Variants in PCBP3 observed in about 807,000 individuals in gnomAD.
PCBP3 encodes the protein poly(rC) binding protein 3.
Under a neutral mutation model 52.7 loss-of-function variants are expected in PCBP3, and 25 were observed. The observed-to-expected ratio is 0.47, with a 90% CI of 0.35 to 0.66. The LOEUF is 0.66. PCBP3 is among the 30% of genes least tolerant of loss of function. The probability of loss-of-function intolerance (pLI) is 0.01; values close to 1 mark genes in which losing one functional copy is unlikely to be tolerated. For synonymous variants in PCBP3, 162 were observed against 183.0 expected (o/e 0.89, Z 0.93); for missense variants, 391 against 490.3 (o/e 0.80, Z 1.91).
chr21:45,739,201 C>G (rs1288079788), intron 3 of PCBP3, among the ~76,000 whole-genome samples: 1 of 122,658 alleles, frequency 8.2e-6, no homozygotes, highest in Non-Finnish European at 1.7e-5. Context: ...CCCACCCCTT[C>G]CTGCCCATTG....
intron 4 of PCBP3, among the ~76,000 whole-genome samples, chr21:45,813,918 ATAGTCGT>A (rs2092753822): frequency 6.6e-6 from 1 of 152,172 alleles, no homozygotes; most frequent in Admixed American, 6.5e-5. Flanking sequence ...TGTTCATTGG[ATAGTCGT>A]GCATCGCTTA....
At chr21:45,742,460 A>G (rs887118071) in intron 3 of PCBP3, among the ~76,000 whole-genome samples, 19 of 152,322 alleles carry the variant, frequency 1.2e-4, no homozygotes, top group African/African-American at 4.6e-4. Flanking sequence ...TGCATTATTG[A>G]AGATACTCTG....
rs548230328 is a variant in PCBP3, at chr21:45,886,794, G to A, written c.11-9414G>A. 5.9e-5 allele frequency among the ~76,000 whole-genome samples: 9 copies of A among 152,310 alleles called. No homozygotes were observed. In the East Asian group the frequency reaches 1.7e-3, roughly 29 times the overall value. On this transcript the variant is annotated intron_variant, in intron 5 of 17. Coordinates refer to ENST00000681687, the MANE Select transcript of PCBP3 (RefSeq NM_001384156.1). ...CCGCATTGCCTCCACTGACACCAGG[G>A]GGCAAGGACTCACCACCTGTGGAGA...
At chr21:45,678,426 C>T (rs553386304) in intron 2 of PCBP3, among the ~76,000 whole-genome samples, 1 of 152,174 alleles carries the variant, frequency 6.6e-6, no homozygotes, top group Admixed American at 6.5e-5. Flanking sequence ...TTCTGAGAGG[C>T]ATTCACCGTT....
chr21:45,739,710 C>T, intron 3 of PCBP3, among the ~76,000 whole-genome samples: 1 of 150,636 alleles, frequency 6.6e-6, no homozygotes, highest in African/African-American at 2.4e-5. Flanking sequence ...TCTTCATCAG[C>T]CCACCCTTCC....
intron 4 of PCBP3, among the ~76,000 whole-genome samples, chr21:45,770,456 A>G (rs2089769588): frequency 6.6e-6 from 1 of 152,196 alleles, no homozygotes; most frequent in Non-Finnish European, 1.5e-5. Flanking sequence ...ATTTCTGAAC[A>G]TGCATTCTTC....
At chr21:45,810,628 C>G (rs912436993) in intron 4 of PCBP3, among the ~76,000 whole-genome samples, 1 of 152,020 alleles carries the variant, frequency 6.6e-6, no homozygotes, top group African/African-American at 2.4e-5. Context: ...TCATGAGAGA[C>G]ACTTTCATTT....
At chr21:45,732,095 T>G (rs899099403) in intron 2 of PCBP3, among the ~76,000 whole-genome samples, 1 of 152,112 alleles carries the variant, frequency 6.6e-6, no homozygotes, top group Non-Finnish European at 1.5e-5. Flanking sequence ...TAGCTTTTGT[T>G]TGTTAGAAAA....
At chr21:45,707,491 G>A (rs528717115) in intron 2 of PCBP3, among the ~76,000 whole-genome samples, 1 of 152,154 alleles carries the variant, frequency 6.6e-6, no homozygotes, top group African/African-American at 2.4e-5. Context: ...ACTCCAGCCT[G>A]GGAGACAAAG....
At chr21:45,831,525 C>T (rs2093449242) in intron 4 of PCBP3, among the ~76,000 whole-genome samples, 1 of 151,698 alleles carries the variant, frequency 6.6e-6, no homozygotes. Context: ...AAGTTTGGTT[C>T]TCAGCAGGAT....
intron 4 of PCBP3, among the ~76,000 whole-genome samples, chr21:45,797,972 G>A (rs544892219): frequency 1.0e-4 from 4 of 38,394 alleles, no homozygotes; most frequent in African/African-American, 4.5e-4. Context: ...AGAGTGAATG[G>A]ATGTGTACAT....
At chr21:45,671,304 T>C (rs1323368272) in intron 2 of PCBP3, among the ~76,000 whole-genome samples, 1 of 152,236 alleles carries the variant, frequency 6.6e-6, no homozygotes, top group African/African-American at 2.4e-5. Context: ...CCAGTTACTG[T>C]GTCTTGCACA....
At chr21:45,826,995 G>T (rs1015016512) in intron 4 of PCBP3, among the ~76,000 whole-genome samples, 1 of 152,128 alleles carries the variant, frequency 6.6e-6, no homozygotes, top group Non-Finnish European at 1.5e-5. Flanking sequence ...GGGGCATCAA[G>T]GAGGCTGACA....
At chr21:45,714,866 A>G (rs2084102432) in intron 2 of PCBP3, among the ~76,000 whole-genome samples, 1 of 152,220 alleles carries the variant, frequency 6.6e-6, no homozygotes, top group African/African-American at 2.4e-5. Context: ...TGTGCACATA[A>G]TATGACCCAC....
intron 7 of PCBP3, 43 bp downstream of exon 7, chr21:45,899,665 A>G (rs757623014): frequency 2.2e-5 from 34 of 1,526,208 alleles, no homozygotes; most frequent in Non-Finnish European, 2.9e-5. Context: ...GGTCTCTGTA[A>G]GGGGATGGTG....
intron 2 of PCBP3, among the ~76,000 whole-genome samples, chr21:45,691,649 T>C (rs2082488551): frequency 1.3e-5 from 2 of 151,862 alleles, no homozygotes; most frequent in Admixed American, 6.6e-5. Flanking sequence ...TTGCAAAAAC[T>C]GTATTTCTAA....
chr21:45,884,662 G>GCCGT (rs1201580198), intron 5 of PCBP3, among the ~76,000 whole-genome samples: 11 of 152,076 alleles, frequency 7.2e-5, no homozygotes, highest in Non-Finnish European at 1.2e-4. Context: ...CCAGGCTCCA[G>GCCGT]CCGTCCTCCC....
intron 1 of PCBP3, among the ~76,000 whole-genome samples, chr21:45,660,423 G>A (rs1029754484): frequency 6.6e-6 from 1 of 151,944 alleles, no homozygotes; most frequent in East Asian, 1.9e-4. Context: ...GACAATTTCT[G>A]TGCTTATATT....
chr21:45,797,463 G>A (rs78719434), intron 4 of PCBP3, among the ~76,000 whole-genome samples: 6 of 20,806 alleles, frequency 2.9e-4, no homozygotes, highest in Admixed American at 6.4e-4. Flanking sequence ...TGAATGCATG[G>A]ATAGACGAGT....
Sources: gnomAD v4.1 joint callset for allele counts (sites outside exome capture counted in the v4.1 genomes callset) on GRCh38, gnomAD v4.1.1 for gene constraint, MANE v1.5 for transcripts, NCBI Gene and HGNC (gene_info 2026-07-23, HGNC 2026-07-21) for gene names.